Variants in KDM1B observed in about 807,000 individuals in gnomAD.
The protein encoded by KDM1B is lysine demethylase 1B.
KDM1B carries 63 observed loss-of-function variants against 107.4 expected under a neutral mutation model. The ratio of observed to expected loss-of-function variants is 0.59; its 90% CI spans 0.48 to 0.72. The LOEUF (loss-of-function observed/expected upper bound fraction) is 0.72, where lower values mean the gene tolerates loss of function less well. Ranked by LOEUF, KDM1B falls within the 30% of genes least tolerant of loss-of-function variation. The pLI is 0.00. For missense variants in KDM1B, 749 were observed against 1,020.8 expected (o/e 0.73, Z 3.63); for synonymous variants, 363 against 363.9 (o/e 1.00, Z 0.03).
In KDM1B at chr6:18,179,836, A is replaced by ACTAGATATTTTTTCTTTTTTTTTTTTT. The variant is rs369714077; in HGVS notation, c.535-5936_535-5935insCTAGATATTTTTTCTTTTTTTTTTTTT. Among the ~76,000 whole-genome samples the ACTAGATATTTTTTCTTTTTTTTTTTTT allele has an allele frequency of 1.2e-4, 10 of 83,518 alleles. 4 individuals carry two copies. Among genetic ancestry groups the ACTAGATATTTTTTCTTTTTTTTTTTTT allele is most frequent in the African/African-American group, 1.5e-4 (3 of 20,304 alleles). 54.8% of individuals were successfully genotyped at this position (83,518 alleles called of 152,430 possible). On this transcript the variant is annotated intron_variant, in intron 7 of 21. Coordinates refer to ENST00000650836, the MANE Select transcript of KDM1B (RefSeq NM_001364614.2). ...CTATTCCAAAATCTTTCAATTTAGC[A>ACTAGATATTTTTTCTTTTTTTTTTTTT]TTGGTTTTTTTTCCTTTTTTTTTTT...
intron 12 of KDM1B, among the ~76,000 whole-genome samples, chr6:18,199,070 C>T (rs1561940376): frequency 6.7e-6 from 1 of 148,440 alleles, no homozygotes; most frequent in Admixed American, 6.8e-5. Context: ...TGGTGGTATG[C>T]ACCTGTGGCC....
At chr6:18,206,681 T>C (rs1346501405) in intron 15 of KDM1B, among the ~76,000 whole-genome samples, 1 of 152,020 alleles carries the variant, frequency 6.6e-6, no homozygotes, top group Non-Finnish European at 1.5e-5. Flanking sequence ...TGCCTCGGCC[T>C]CCCAAAATGC....
chr6:18,222,043 TCA>T lies in KDM1B; in HGVS notation c.*54_*55del. ...TGTACCCCAGATGGGGAAATTTGAA[TCA>T]CATGTTAAACCTCAGTTTTATAAGA... is the stretch of plus-strand genomic sequence containing the variant. On this transcript the variant is annotated 3_prime_UTR_variant, in exon 22 of 22. Coordinates refer to ENST00000650836, the MANE Select transcript of KDM1B (RefSeq NM_001364614.2). 6.6e-7 allele frequency: 1 copy of T among 1,525,914 alleles called. No homozygotes were observed. The highest frequency in any genetic ancestry group is 9.1e-7 in the Non-Finnish European group (1 of 1,099,784). The allele number at this position is 1,525,914 out of a possible 1,614,324, so 94.5% of individuals were successfully genotyped here. A position where few individuals can be genotyped will look rare whatever the true frequency, so the allele number is the denominator to read the frequency against.
At chr6:18,192,243 C>T (rs948296827) in intron 10 of KDM1B, among the ~76,000 whole-genome samples, 3 of 152,170 alleles carry the variant, frequency 2.0e-5, no homozygotes, top group African/African-American at 7.2e-5. Context: ...GCTTGGGTGA[C>T]AGAATGAGAC....
chr6:18,167,287 G>C (rs538533383), intron 6 of KDM1B, among the ~76,000 whole-genome samples: 130 of 151,650 alleles, frequency 8.6e-4, no homozygotes, highest in African/African-American at 3.0e-3. Context: ...AACCCAGGAA[G>C]CGGAGGTTGC....
chr6:18,216,262 G>T (rs1789224272), intron 20 of KDM1B, among the ~76,000 whole-genome samples: 1 of 151,990 alleles, frequency 6.6e-6, no homozygotes, highest in Non-Finnish European at 1.5e-5. Flanking sequence ...TGTATTTTTG[G>T]TAGAGACAGG....
intron 8 of KDM1B, 66 bp from the exon 9 acceptor site, chr6:18,187,725 TG>T: frequency 9.3e-7 from 1 of 1,070,984 alleles, no homozygotes; most frequent in Non-Finnish European, 1.4e-6. Context: ...CCTCTGTCCC[TG>T]GCAGAATCTG....
intron 7 of KDM1B, among the ~76,000 whole-genome samples, chr6:18,177,251 G>A (rs80294936): frequency 1.1e-4 from 16 of 152,076 alleles, no homozygotes; most frequent in East Asian, 3.8e-4. Context: ...GATTATGTGC[G>A]TAAAAGTGTT....
chr6:18,160,117 G>C, intron 3 of KDM1B, 135 bp downstream of exon 3: 1 of 604,764 alleles, frequency 1.7e-6, no homozygotes, highest in Non-Finnish European at 2.9e-6. Context: ...TCTCAGTACG[G>C]TCATAACACA....
intron 12 of KDM1B, among the ~76,000 whole-genome samples, chr6:18,198,092 C>T (rs1228788664): frequency 6.6e-6 from 1 of 152,002 alleles, no homozygotes; most frequent in Non-Finnish European, 1.5e-5. Context: ...AGTGGGGTTT[C>T]ACCGTGTTGG....
At position 18,166,384 on chromosome 6, in the gene KDM1B, G is replaced by A. The variant is rs763961784; in HGVS notation, c.417+6G>A. 1 of 1,530,328 alleles carries A rather than the reference G, an allele frequency of 6.5e-7. No homozygotes were observed. The highest frequency in any genetic ancestry group is 1.7e-5 in the Admixed American group (1 of 59,870). 94.8% of individuals were successfully genotyped at this position (1,530,328 alleles called of 1,614,324 possible). ...ACCAGCAACTCCCCTACTGGGTAAGGAGAGTGATGCTCTCTGTCTGTGAAG... is the reference window on the plus strand; with the variant it reads ...ACCAGCAACTCCCCTACTGGGTAAGAAGAGTGATGCTCTCTGTCTGTGAAG... On this transcript the variant is annotated splice_donor_region_variant and intron_variant, in intron 6 of 21. Transcript: ENST00000650836.
rs77862125 is a variant in KDM1B at position 18,164,432 on chromosome 6, C to T, written c.305+1508C>T. 8.2e-3 allele frequency among the ~76,000 whole-genome samples: 1,254 copies of T among 152,002 alleles called. 20 individuals carry two copies. The highest frequency in any genetic ancestry group is 0.029 in the African/African-American group (1,196 of 41,458). ...ACTTTGGTGGTAGCTCGAGCCACCA[C>T]GCCTGGCCGTCATGTATTTTTAAGC... On this transcript the variant is annotated intron_variant, in intron 5 of 21. Transcript: ENST00000650836.
At position 18,197,252 on chromosome 6, in the gene KDM1B, A is replaced by G; in HGVS notation, c.1146+19A>G. Reference sequence around the variant, plus strand: ...CCACAATGTAGGTGATTATAGCTTTAGCGATAGCCTTGCCATTGATCAGGA... The same window carrying G: ...CCACAATGTAGGTGATTATAGCTTTGGCGATAGCCTTGCCATTGATCAGGA... On this transcript the variant is annotated intron_variant, in intron 11 of 21. Transcript: ENST00000650836. The surrounding 1 kb of genome is among the most constrained non-coding windows in gnomAD (Gnocchi z 4.5). The G allele has an allele frequency of 1.2e-6, 2 of 1,604,674 alleles. No homozygotes were observed. The highest frequency in any genetic ancestry group is 1.7e-6 in the Non-Finnish European group (2 of 1,173,582).
intron 2 of KDM1B, among the ~76,000 whole-genome samples, chr6:18,156,662 T>A (rs1018651214): frequency 6.6e-6 from 1 of 151,988 alleles, no homozygotes; most frequent in Non-Finnish European, 1.5e-5. Context: ...AATATTGAAT[T>A]ATTCAATATT....
intron 4 of KDM1B, 77 bp downstream of exon 4, chr6:18,161,531 A>G: frequency 6.6e-7 from 1 of 1,507,448 alleles, no homozygotes; most frequent in Non-Finnish European, 9.1e-7. Flanking sequence ...CCTTGTAGAT[A>G]GTTTTCCTAA....
rs1785717038 is a variant in KDM1B at position 18,172,394 on chromosome 6, T to G, written c.534+915T>G. On this transcript the variant is annotated intron_variant, in intron 7 of 21. Transcript: ENST00000650836. This position sits in a 1 kb window ranked among gnomAD's most constrained non-coding sequence, Gnocchi z 5.2. ...TTCACATATTATAAAATTCACCCTT[T>G]TAAAGCATACAATTGAGTGGCTGTG... 6.6e-6 allele frequency among the ~76,000 whole-genome samples: 1 copy of G among 152,176 alleles called. No homozygotes were observed. Among genetic ancestry groups the G allele is most frequent in the Admixed American group, 6.5e-5 (1 of 15,268 alleles).
intron 7 of KDM1B, among the ~76,000 whole-genome samples, chr6:18,175,123 T>G (rs1393173846): frequency 6.6e-6 from 1 of 152,240 alleles, no homozygotes; most frequent in East Asian, 1.9e-4. Flanking sequence ...AAATGTTCCC[T>G]GTTCACTGCA....
rs532807007 is a variant in KDM1B at position 18,190,475 on chromosome 6, G to A, written c.785-722G>A. On this transcript the variant is annotated intron_variant, in intron 9 of 21. Transcript: ENST00000650836. ...AAATTAGCTGGGCATGGTGGCGGGC[G>A]CCTGTAGTCCCAGCTACTCGGGAGG... Among the ~76,000 whole-genome samples, 407 of 151,734 alleles carry A rather than the reference G, an allele frequency of 2.7e-3. 1 individual carries two copies. Among genetic ancestry groups the A allele is most frequent in the Middle Eastern group, 0.024 (7 of 294 alleles).
At chr6:18,186,000 A>G (rs1407141156) in intron 8 of KDM1B, among the ~76,000 whole-genome samples, 190 bp downstream of exon 8, 3 of 152,242 alleles carry the variant, frequency 2.0e-5, no homozygotes, top group East Asian at 1.9e-4. Context: ...CCTGTCCCCA[A>G]CTTAAAAAAT....
Sources: gnomAD v4.1 joint callset for allele counts (sites outside exome capture counted in the v4.1 genomes callset) on GRCh38, gnomAD v4.1.1 for gene constraint, Gnocchi (gnomAD v3.1) non-coding constraint, MANE v1.5 for transcripts, NCBI Gene and HGNC (gene_info 2026-07-23, HGNC 2026-07-21) for gene names.